Variants in NR3C2 observed in about 807,000 individuals in gnomAD.
NR3C2 encodes mineralocorticoid receptor.
A neutral mutation model predicts 86.4 loss-of-function variants in NR3C2; 15 were observed. The observed-to-expected ratio is 0.17, with a 90% confidence interval of 0.12 to 0.27. The LOEUF is 0.27. Among genes scored for constraint, NR3C2 ranks in the 10% least tolerant of loss-of-function variants. NR3C2 has a pLI of 1.00. For synonymous variants in NR3C2, 458 were observed against 450.5 expected (o/e 1.02, Z -0.21); for missense variants, 960 against 1,195.6 (o/e 0.80, Z 2.91).
chr4:148,211,465 T>A (rs773712066), intron 3 of NR3C2, among the ~76,000 whole-genome samples: 1 of 152,246 alleles, frequency 6.6e-6, no homozygotes, highest in African/African-American at 2.4e-5. Context: ...CAGTTCTAGA[T>A]GTTTTTAAGG....
chr4:148,350,733 C>T (rs933406651), intron 2 of NR3C2, among the ~76,000 whole-genome samples: 1 of 152,146 alleles, frequency 6.6e-6, no homozygotes, highest in Non-Finnish European at 1.5e-5. Context: ...ACAGACAGAG[C>T]CCTTAGTGGC....
chr4:148,311,867 C>T (rs1742918779), intron 2 of NR3C2, among the ~76,000 whole-genome samples: 1 of 152,226 alleles, frequency 6.6e-6, no homozygotes, highest in Admixed American at 6.5e-5. Flanking sequence ...CTGCTATTCA[C>T]TCTGCCTGGA....
intron 2 of NR3C2, among the ~76,000 whole-genome samples, chr4:148,401,666 G>A (rs142081660): frequency 0.2 from 30,985 of 151,792 alleles, 3,313 homozygotes; most frequent in Non-Finnish European, 0.23. Flanking sequence ...ATTTCACCTC[G>A]TTAGCCAGGA....
chr4:148,313,052 G>C (rs772590025), intron 2 of NR3C2, among the ~76,000 whole-genome samples: 2 of 152,086 alleles, frequency 1.3e-5, no homozygotes, highest in African/African-American at 2.4e-5. Flanking sequence ...TTAATTACTT[G>C]TTTAAATGAC....
chr4:148,090,861 C>T lies in NR3C2; in HGVS notation c.2800-9362G>A, dbSNP rs190558134. On this transcript the variant is annotated intron_variant, in intron 8 of 8. Coordinates refer to ENST00000358102, the MANE Select transcript of NR3C2 (RefSeq NM_000901.5). ...GTCATGAGGGCTTCTGTTTATGCCT[C>T]GGTCAGCTGCAGAGGGATGGGACCT... Among the ~76,000 whole-genome samples, 28 of 152,352 alleles carry T rather than the reference C, an allele frequency of 1.8e-4. No homozygotes were observed. The East Asian group carries it at 5.0e-3, about 27-fold the overall frequency.
chr4:148,425,737 T>C (rs1316990915), intron 2 of NR3C2, among the ~76,000 whole-genome samples: 1 of 152,158 alleles, frequency 6.6e-6, no homozygotes, highest in Non-Finnish European at 1.5e-5. Context: ...CATAATCTGA[T>C]TTACGTTTTT....
At chr4:148,136,080 AAAAAAAAAACACCAC>A (rs796756340) in intron 6 of NR3C2, among the ~76,000 whole-genome samples, 81 of 127,700 alleles carry the variant, frequency 6.3e-4, no homozygotes, top group Middle Eastern at 3.9e-3. Context: ...AAAAAAACAA[AAAAAAAAAACACCAC>A]CAAAACCAAC....
chr4:148,276,325 G>C (rs1740959740), intron 2 of NR3C2, among the ~76,000 whole-genome samples: 1 of 152,014 alleles, frequency 6.6e-6, no homozygotes, highest in Admixed American at 6.6e-5. Flanking sequence ...TGCCTGTATG[G>C]TTTTTTCAAT....
At chr4:148,328,681 A>C (rs945156259) in intron 2 of NR3C2, among the ~76,000 whole-genome samples, 5 of 152,172 alleles carry the variant, frequency 3.3e-5, no homozygotes, top group African/African-American at 9.7e-5. Context: ...CTAATTAGTA[A>C]AGAGGTCATC....
At chr4:148,329,949 T>C (rs77534878) in intron 2 of NR3C2, among the ~76,000 whole-genome samples, 265 of 152,354 alleles carry the variant, frequency 1.7e-3, no homozygotes, top group African/African-American at 5.8e-3. Flanking sequence ...AGCAGTTCCA[T>C]GTCTGGCCAA....
At chr4:148,324,367 TTG>T (rs1170450951) in intron 2 of NR3C2, among the ~76,000 whole-genome samples, 5 of 70,500 alleles carry the variant, frequency 7.1e-5, no homozygotes, top group Non-Finnish European at 6.4e-5. Flanking sequence ...GTGTGTGTGT[TTG>T]TGTGTGTGTT....
rs116800935 is a variant in NR3C2 at position 148,149,095 on chromosome 4, T to G, written c.2510+3374A>C. ...ATTTCCAATTGTTTCCCCAGAATAG[T>G]ATCCACCCTAGCCCCTTGAAAAACA... On this transcript the variant is annotated intron_variant, in intron 6 of 8. Transcript: ENST00000358102. Among the ~76,000 whole-genome samples, 1,012 of 152,292 alleles carry G rather than the reference T, an allele frequency of 6.6e-3. 10 individuals carry two copies. Among genetic ancestry groups the G allele is most frequent in the African/African-American group, 0.023 (939 of 41,560 alleles).
intron 2 of NR3C2, among the ~76,000 whole-genome samples, chr4:148,295,808 T>C (rs1421591751): frequency 6.6e-6 from 1 of 151,650 alleles, no homozygotes; most frequent in Non-Finnish European, 1.5e-5. Context: ...GCAAAAAGGG[T>C]GCAATCACTG....
chr4:148,175,700 A>G (rs1735343034), intron 4 of NR3C2, among the ~76,000 whole-genome samples: 1 of 152,188 alleles, frequency 6.6e-6, no homozygotes, highest in Admixed American at 6.5e-5. Context: ...CTACTGTAGT[A>G]TATTTTATGC....
intron 6 of NR3C2, among the ~76,000 whole-genome samples, chr4:148,124,739 C>T (rs1732668546): frequency 6.6e-6 from 1 of 152,316 alleles, no homozygotes; most frequent in South Asian, 2.1e-4. Flanking sequence ...ACCTTCTCCT[C>T]ATGTCTTCCA....
chr4:148,103,381 C>T (rs1731628879), intron 8 of NR3C2, among the ~76,000 whole-genome samples: 2 of 152,172 alleles, frequency 1.3e-5, no homozygotes, highest in South Asian at 2.1e-4. Context: ...CTGTGCTGTG[C>T]CTGGCATGGT....
intron 2 of NR3C2, among the ~76,000 whole-genome samples, chr4:148,334,036 T>C (rs1744360969): frequency 1.3e-5 from 2 of 152,166 alleles, no homozygotes; most frequent in South Asian, 4.1e-4. Flanking sequence ...TGAAATAACT[T>C]TGGAGAATAT....
At position 148,125,704 on chromosome 4, in the gene NR3C2, G is replaced by A. The variant is rs367627762; in HGVS notation, c.2511-5416C>T. Among the ~76,000 whole-genome samples the A allele has an allele frequency of 6.6e-5, 10 of 151,912 alleles. No homozygotes were observed. In the East Asian group the frequency reaches 1.7e-3, roughly 26 times the overall value. On this transcript the variant is annotated intron_variant, in intron 6 of 8. Coordinates refer to ENST00000358102, the MANE Select transcript of NR3C2 (RefSeq NM_000901.5). ...AAGACAGGATCCATGTCTAACTTTT[G>A]TAAATGTCAAAAAGAATATGATAAA... is the stretch of plus-strand genomic sequence containing the variant.
rs1730486698 is a variant in NR3C2, at chr4:148,080,353, A to ATATACAGTAAAT, written c.*990_*991insATTTACTGTATA. On this transcript the variant is annotated 3_prime_UTR_variant, in exon 9 of 9. Coordinates refer to ENST00000358102, the MANE Select transcript of NR3C2 (RefSeq NM_000901.5). The stretch of plus-strand genomic sequence containing the variant: ...TGGTTATTTACAACAGAGACTGTAA[A>ATATACAGTAAAT]ATAATGGTAAATTAGATATGAAGCT... 6.5e-6 allele frequency: 1 copy of ATATACAGTAAAT among 152,692 alleles called. No individual in the cohort carries two copies. The highest frequency in any genetic ancestry group is 2.4e-5 in the African/African-American group (1 of 41,464). The allele number at this position is 152,692 out of a possible 1,614,324, so 9.5% of individuals were successfully genotyped here.
Sources: allele counts gnomAD v4.1 joint callset (sites outside exome capture counted in the v4.1 genomes callset), GRCh38; gene constraint gnomAD v4.1.1; transcripts MANE v1.5; gene names NCBI Gene and HGNC (gene_info 2026-07-23, HGNC 2026-07-21).